SLCO5A1: variants seen among roughly 807,000 people sequenced by gnomAD.
SLCO5A1 encodes the protein organic anion transporter polypeptide-related protein 4.
A neutral mutation model predicts 65.1 loss-of-function variants in SLCO5A1; 39 were observed. That is an observed-to-expected ratio of 0.60 (90% confidence interval 0.46 to 0.78). The LOEUF (loss-of-function observed/expected upper bound fraction) is 0.78, where lower values mean the gene tolerates loss of function less well. SLCO5A1 is among the 30% of genes least tolerant of loss of function. The pLI is 0.00. For missense variants in SLCO5A1, 1,029 were observed against 1,069.4 expected, an observed-to-expected ratio of 0.96 and a Z score of 0.53; for synonymous variants, 438 against 415.7, an observed-to-expected ratio of 1.05 and a Z score of -0.65.
intron 2 of SLCO5A1, among the ~76,000 whole-genome samples, chr8:69,767,662 C>A (rs1002666734): frequency 3.6e-4 from 54 of 151,746 alleles, no homozygotes; most frequent in African/African-American, 1.2e-3. Context: ...GAGGCCAAGG[C>A]AGGCAGATCA....
intron 2 of SLCO5A1, among the ~76,000 whole-genome samples, chr8:69,774,727 C>T (rs969350550): frequency 6.6e-6 from 1 of 152,204 alleles, no homozygotes; most frequent in Non-Finnish European, 1.5e-5. Flanking sequence ...TGCCTAAGTC[C>T]TCAAATGACT....
At chr8:69,733,381 G>A (rs920633988) in intron 5 of SLCO5A1, among the ~76,000 whole-genome samples, 1 of 152,124 alleles carries the variant, frequency 6.6e-6, no homozygotes, top group African/African-American at 2.4e-5. Context: ...AGAGAGACAG[G>A]GGAGAGACTA....
chr8:69,738,061 A>C lies in SLCO5A1; in HGVS notation c.1402T>G (p.Ser468Ala). 6.2e-7 allele frequency: 1 copy of C among 1,611,152 alleles called. No homozygotes were observed. ...FIESQFGIPA[S>A]NASIYTGVII... ...TTACCAGTGTAGATGCTGGCATTGGAGGCTGGGATACCAAACTGTGACTCG... is the reference window on the plus strand; with the variant it reads ...TTACCAGTGTAGATGCTGGCATTGGCGGCTGGGATACCAAACTGTGACTCG... Residue 468 changes from serine (S) to alanine (A), a missense_variant, in exon 5 of 10, where the codon TCC becomes GCC. Ser to Ala is a moderately conservative substitution (Grantham distance 99). Around this residue, in one of 3 missense-constraint regions of SLCO5A1, gnomAD observed 647 missense variants for 647.5 expected, o/e 1.00. Transcript: ENST00000260126.
intron 2 of SLCO5A1, among the ~76,000 whole-genome samples, chr8:69,809,615 G>T (rs1002529540): frequency 6.6e-6 from 1 of 151,910 alleles, no homozygotes; most frequent in African/African-American, 2.4e-5. Flanking sequence ...CTTACAAGAT[G>T]ATTATTATAA....
intron 2 of SLCO5A1, among the ~76,000 whole-genome samples, chr8:69,820,838 G>A (rs1003003211): frequency 2.6e-5 from 4 of 152,120 alleles, no homozygotes; most frequent in Admixed American, 6.5e-5. Context: ...ATATGCATGT[G>A]TATGTATGCA....
At chr8:69,721,716 A>T (rs562747585) in intron 5 of SLCO5A1, among the ~76,000 whole-genome samples, 8 of 152,346 alleles carry the variant, frequency 5.3e-5, no homozygotes, top group African/African-American at 1.7e-4. Flanking sequence ...CTTCAGGATC[A>T]TTTCTTTCAA....
chr8:69,676,575 A>T, intron 9 of SLCO5A1, 34 bp downstream of exon 9: 3 of 1,596,050 alleles, frequency 1.9e-6, no homozygotes, highest in Non-Finnish European at 2.6e-6. Context: ...GCAAAGAGGA[A>T]CTAAGAGGTA....
chr8:69,811,257 C>T, intron 2 of SLCO5A1, among the ~76,000 whole-genome samples: 1 of 152,196 alleles, frequency 6.6e-6, no homozygotes, highest in East Asian at 1.9e-4. Context: ...TTTGGGGCTA[C>T]CTCCCTACGC....
At chr8:69,731,758 A>C (rs145967568) in intron 5 of SLCO5A1, among the ~76,000 whole-genome samples, 26 of 152,328 alleles carry the variant, frequency 1.7e-4, no homozygotes, top group African/African-American at 6.3e-4. Flanking sequence ...AAAATGATAT[A>C]AGTGGGAAGA....
intron 2 of SLCO5A1, among the ~76,000 whole-genome samples, chr8:69,830,996 C>T (rs1001442741): frequency 3.3e-5 from 5 of 152,030 alleles, no homozygotes; most frequent in South Asian, 2.1e-4. Context: ...GTGCAGGTGA[C>T]GTATAAGAAA....
At chr8:69,802,872 C>A (rs770545775) in intron 2 of SLCO5A1, among the ~76,000 whole-genome samples, 2 of 152,188 alleles carry the variant, frequency 1.3e-5, no homozygotes, top group African/African-American at 2.4e-5. Context: ...CCTCTTGCAC[C>A]AGCACAGAGG....
At chr8:69,691,741 T>C (rs925253389) in intron 6 of SLCO5A1, among the ~76,000 whole-genome samples, 2 of 152,240 alleles carry the variant, frequency 1.3e-5, no homozygotes, top group African/African-American at 4.8e-5. Flanking sequence ...TTCTGAGAAA[T>C]GCATCATCAG....
intron 9 of SLCO5A1, among the ~76,000 whole-genome samples, 163 bp from the exon 10 acceptor site, chr8:69,673,489 T>C (rs1376587655): frequency 6.6e-6 from 1 of 152,222 alleles, no homozygotes; most frequent in African/African-American, 2.4e-5. Flanking sequence ...TTTATCACAA[T>C]ATATTTATCA....
intron 2 of SLCO5A1, among the ~76,000 whole-genome samples, chr8:69,825,346 T>A (rs1820829465): frequency 6.6e-6 from 1 of 152,228 alleles, no homozygotes; most frequent in Admixed American, 6.5e-5. Context: ...ATTGTCCCTG[T>A]TTGCAGATGA....
intron 5 of SLCO5A1, chr8:69,714,748 A>T (rs1815433856): frequency 6.6e-6 from 1 of 152,242 alleles, no homozygotes; most frequent in African/African-American, 2.4e-5. Context: ...AATGACTTCA[A>T]CAGGGAGATA....
Position 69,788,886 on chromosome 8 carries a change from T to C in SLCO5A1, c.908-27011A>G, listed in dbSNP as rs138729472. 3.0e-3 allele frequency among the ~76,000 whole-genome samples: 463 copies of C among 152,338 alleles called. 2 individuals carry two copies. The highest frequency in any genetic ancestry group is 0.011 in the African/African-American group (441 of 41,576). The stretch of plus-strand genomic sequence containing the variant: ...ATGAAAGTCTTTGCTATTGCAAATG[T>C]CTTAGGTTGAGTTCCTTCAGAAGCC... On this transcript the variant is annotated intron_variant, in intron 2 of 9. Transcript: ENST00000260126.
chr8:69,695,219 G>C (rs1300007641), intron 6 of SLCO5A1, among the ~76,000 whole-genome samples: 1 of 152,182 alleles, frequency 6.6e-6, no homozygotes, highest in Non-Finnish European at 1.5e-5. Flanking sequence ...AGGTTGCCAG[G>C]CATCGTGGCT....
Position 69,808,870 on chromosome 8 carries a change from C to T in SLCO5A1, c.907+22897G>A, listed in dbSNP as rs191746733. Among the ~76,000 whole-genome samples the T allele has an allele frequency of 5.0e-3, 765 of 152,060 alleles. 4 individuals are homozygous for T. The highest frequency in any genetic ancestry group is 0.016 in the African/African-American group (670 of 41,468). On this transcript the variant is annotated intron_variant, in intron 2 of 9. Transcript: ENST00000260126. ...CTGTAATCCCAGCACTTTGGGAGGC[C>T]GAGGCAGGTGGATCACCTGAGGTCA...
chr8:69,832,097 G>GACCCC lies in SLCO5A1; in HGVS notation c.572_576dup (p.Arg193GlyfsTer37). The GACCCC allele has an allele frequency of 6.2e-7, 1 of 1,613,968 alleles. No homozygotes were observed. Among genetic ancestry groups the GACCCC allele is most frequent in the Non-Finnish European group, 8.5e-7 (1 of 1,180,026 alleles). On this transcript the variant is annotated frameshift_variant, in exon 2 of 10. Coordinates refer to ENST00000260126, the MANE Select transcript of SLCO5A1 (RefSeq NM_030958.3). LOFTEE classifies it high-confidence loss of function. The surrounding 1 kb of genome is among the most constrained non-coding windows in gnomAD (Gnocchi z 4.5). ...CCCACGGCCAGCCACAGGGGCCGCC[G>GACCCC]ACCCCGGCCGCCGAAGTAGCTGACG...
Sources: allele counts gnomAD v4.1 joint callset (sites outside exome capture counted in the v4.1 genomes callset), GRCh38; gene constraint gnomAD v4.1.1; regional missense constraint gnomAD v4.1.1; non-coding constraint Gnocchi (gnomAD v3.1); transcripts MANE v1.5; gene names NCBI Gene and HGNC (gene_info 2026-07-23, HGNC 2026-07-21).